LYST: variants seen among roughly 807,000 people sequenced by gnomAD.
The protein encoded by LYST is lysosomal trafficking regulator.
In LYST, 192 loss-of-function variants were observed where a neutral mutation model predicts 413.6. The observed-to-expected ratio is 0.46, with a 90% CI of 0.41 to 0.52. LYST has a LOEUF of 0.52. Among genes scored for constraint, LYST ranks in the 20% least tolerant of loss-of-function variants. The pLI is 0.00. For missense variants in LYST, 3,815 were observed against 4,499.9 expected (o/e 0.85, Z 4.35); for synonymous variants, 1,525 against 1,567.3 (o/e 0.97, Z 0.64).
chr1:235,833,354 T>C (rs1676206149), intron 2 of LYST, among the ~76,000 whole-genome samples: 1 of 152,164 alleles, frequency 6.6e-6, no homozygotes, highest in Non-Finnish European at 1.5e-5. Context: ...GTATACTGTA[T>C]ATATCCTTTT....
At chr1:235,700,120 A>C (rs192718364) in intron 45 of LYST, among the ~76,000 whole-genome samples, 1 of 152,316 alleles carries the variant, frequency 6.6e-6, no homozygotes, top group East Asian at 1.9e-4. Context: ...TAAAACCCAA[A>C]ACCATAAAAA....
At chr1:235,772,287 G>C (rs1374904251) in intron 19 of LYST, among the ~76,000 whole-genome samples, 1 of 152,026 alleles carries the variant, frequency 6.6e-6, no homozygotes, top group African/African-American at 2.4e-5. Flanking sequence ...TAAATTTTTA[G>C]GGACTGTTGG....
At chr1:235,758,937 A>G in intron 23 of LYST, 35 bp downstream of exon 23, 2 of 1,606,778 alleles carry the variant, frequency 1.2e-6, no homozygotes, top group Non-Finnish European at 1.7e-6. Context: ...ATAGTAAAAT[A>G]AAGGTGGGAG....
At chr1:235,807,803 T>C (rs1673033359) in intron 5 of LYST, among the ~76,000 whole-genome samples, 1 of 152,134 alleles carries the variant, frequency 6.6e-6, no homozygotes, top group Admixed American at 6.5e-5. Flanking sequence ...CTATATTTTC[T>C]AATTTTTCTA....
At chr1:235,782,450 G>A (rs1156506027) in intron 14 of LYST, among the ~76,000 whole-genome samples, 1 of 152,056 alleles carries the variant, frequency 6.6e-6, no homozygotes, top group African/African-American at 2.4e-5. Context: ...TGGGATTACA[G>A]GTGTGAGCCA....
Position 235,753,194 on chromosome 1 carries a change from G to C in LYST, c.7310C>G (p.Ser2437Cys), listed in dbSNP as rs777846417. 9.1e-5 allele frequency: 146 copies of C among 1,610,242 alleles called. No homozygotes were observed. Among genetic ancestry groups the C allele is most frequent in the Non-Finnish European group, 1.1e-4 (131 of 1,176,850 alleles). Residue 2437 changes from serine (S) to cysteine (C), a missense_variant, in exon 26 of 53, where the codon TCT becomes TGT. Around this residue, in one of 4 missense-constraint regions of LYST, gnomAD observed 771 missense variants for 837.1 expected, o/e 0.92. Transcript: ENST00000389793. ...ATGCAAGAGTATGTTGTCATATAGA[G>C]AGGTCTCTATTAGTCCCAGAATAGG... ...VIPILGLIET[S>C]LYDNILLHNA...
At chr1:235,696,119 A>C (rs761673454) in intron 46 of LYST, among the ~76,000 whole-genome samples, 2 of 152,250 alleles carry the variant, frequency 1.3e-5, no homozygotes, top group African/African-American at 2.4e-5. Flanking sequence ...AACATAGATA[A>C]AACGGTATGC....
chr1:235,730,210 G>C (rs1664241699), intron 36 of LYST, among the ~76,000 whole-genome samples: 1 of 151,708 alleles, frequency 6.6e-6, no homozygotes. Context: ...CTATGAAATG[G>C]GTATAATAAC....
intron 3 of LYST, among the ~76,000 whole-genome samples, chr1:235,822,970 A>G (rs530476198): frequency 4.6e-5 from 7 of 152,334 alleles, no homozygotes; most frequent in Non-Finnish European, 1.0e-4. Context: ...ACTCAGATGT[A>G]AGACCAGCTG....
intron 25 of LYST, among the ~76,000 whole-genome samples, chr1:235,753,789 T>G (rs1430828428): frequency 2.6e-5 from 4 of 152,196 alleles, no homozygotes; most frequent in Non-Finnish European, 5.9e-5. Flanking sequence ...TATGTCCTCT[T>G]TTCTTCTCAA....
At chr1:235,709,060 A>C in intron 44 of LYST, 31 bp downstream of exon 44, 2 of 1,577,006 alleles carry the variant, frequency 1.3e-6, no homozygotes, top group South Asian at 2.2e-5. Context: ...TATCTTATAT[A>C]AATACAGATT....
intron 36 of LYST, 67 bp downstream of exon 36, chr1:235,730,780 T>C: frequency 1.9e-6 from 2 of 1,036,760 alleles, no homozygotes; most frequent in Non-Finnish European, 3.0e-6. Context: ...AAATAAATAT[T>C]ACATAAACAC....
chr1:235,726,522 T>C (rs1043805223), intron 38 of LYST, among the ~76,000 whole-genome samples: 1 of 152,128 alleles, frequency 6.6e-6, no homozygotes, highest in Non-Finnish European at 1.5e-5. Context: ...AAAGGGGGCA[T>C]GAAATATTTG....
intron 9 of LYST, 119 bp downstream of exon 9, chr1:235,800,752 A>C (rs545237836): frequency 2.8e-6 from 2 of 722,936 alleles, no homozygotes; most frequent in East Asian, 5.4e-5. Flanking sequence ...CTGAGGTACC[A>C]GAAAAGATAA....
intron 38 of LYST, among the ~76,000 whole-genome samples, chr1:235,726,142 A>C (rs1312737981): frequency 6.6e-6 from 1 of 152,156 alleles, no homozygotes; most frequent in Non-Finnish European, 1.5e-5. Context: ...CTTTTAAAAA[A>C]ATTGCATTTA....
At chr1:235,838,688 G>A (rs1346038461) in intron 1 of LYST, among the ~76,000 whole-genome samples, 1 of 152,180 alleles carries the variant, frequency 6.6e-6, no homozygotes, top group Non-Finnish European at 1.5e-5. Context: ...GTTGAGCAAT[G>A]ACATTAACAA....
At chr1:235,723,576 G>A (rs1248347802) in intron 39 of LYST, among the ~76,000 whole-genome samples, 2 of 152,144 alleles carry the variant, frequency 1.3e-5, no homozygotes, top group African/African-American at 2.4e-5. Flanking sequence ...AAGTAAAATG[G>A]GGACAAAGAA....
intron 1 of LYST, among the ~76,000 whole-genome samples, chr1:235,858,542 ACT>A (rs1281879069): frequency 1.3e-5 from 2 of 151,912 alleles, no homozygotes; most frequent in East Asian, 3.9e-4. Context: ...CATCTCTAGT[ACT>A]CTTTTATTTC....
In LYST at chr1:235,741,606, G is replaced by A. The variant is rs920212612; in HGVS notation, c.8174C>T (p.Ser2725Phe). 3.1e-6 allele frequency: 5 copies of A among 1,613,954 alleles called. No individual in the cohort carries two copies. The highest frequency in any genetic ancestry group is 3.4e-6 in the Non-Finnish European group (4 of 1,179,886). The change falls in exon 31 of 53, where the codon TCC (serine) becomes TTC (phenylalanine). Residue 2725 changes from serine to phenylalanine, a missense_variant. By Grantham distance (155) the Ser-to-Phe change is radical. Coordinates refer to ENST00000389793, the MANE Select transcript of LYST (RefSeq NM_000081.4). ...CAGAATTTTAGTCCATTGCTGCTTG[G>A]AACCACTGGCTTTACTTGAACCCTA... is the stretch of plus-strand genomic sequence containing the variant. Reference protein sequence around the residue: ...VSIGSSKASGSKQQWTKILWS... With the variant: ...VSIGSSKASGFKQQWTKILWS...
Sources: allele counts gnomAD v4.1 joint callset (sites outside exome capture counted in the v4.1 genomes callset), GRCh38; gene constraint gnomAD v4.1.1; regional missense constraint gnomAD v4.1.1; transcripts MANE v1.5; gene names NCBI Gene and HGNC (gene_info 2026-07-23, HGNC 2026-07-21).